Variants in FAM53B observed in about 807,000 individuals in gnomAD.
The protein encoded by FAM53B is family with sequence similarity 53 member B, also known as protein FAM53B.
In FAM53B, 12 loss-of-function variants were observed where a neutral mutation model predicts 32.7. The ratio of observed to expected loss-of-function variants is 0.37; its 90% CI spans 0.24 to 0.59. The LOEUF is 0.59. FAM53B is among the 20% of genes least tolerant of loss of function. FAM53B has a pLI of 0.72. For synonymous variants in FAM53B, 234 were observed against 228.7 expected (o/e 1.02, Z -0.21); for missense variants, 477 against 577.7 (o/e 0.83, Z 1.79).
intron 3 of FAM53B, among the ~76,000 whole-genome samples, chr10:124,692,714 C>CAAAAAAAA (rs5788679): frequency 4.3e-5 from 3 of 69,054 alleles, no homozygotes; most frequent in Non-Finnish European, 4.9e-5. Flanking sequence ...TACTCCATCT[C>CAAAAAAAA]AAAAAAAAAA....
chr10:124,729,120 A>G (rs1950125604), intron 1 of FAM53B, among the ~76,000 whole-genome samples: 1 of 152,246 alleles, frequency 6.6e-6, no homozygotes, highest in African/African-American at 2.4e-5. Flanking sequence ...CTCTAAAAAC[A>G]GATAATTTCC....
chr10:124,709,981 A>G (rs765158955), intron 1 of FAM53B, among the ~76,000 whole-genome samples: 1 of 152,102 alleles, frequency 6.6e-6, no homozygotes, highest in Admixed American at 6.5e-5. Flanking sequence ...TGCCCATGGT[A>G]CTTTTAGTTC....
intron 2 of FAM53B, among the ~76,000 whole-genome samples, chr10:124,701,394 T>G (rs1461712431): frequency 1.3e-5 from 2 of 152,218 alleles, no homozygotes; most frequent in Non-Finnish European, 2.9e-5. Flanking sequence ...TATTGGTTGT[T>G]ACGTGGAAAG....
At chr10:124,660,113 G>A (rs1232368191) in intron 4 of FAM53B, among the ~76,000 whole-genome samples, 2 of 152,196 alleles carry the variant, frequency 1.3e-5, no homozygotes, top group African/African-American at 4.8e-5. Flanking sequence ...GGCCCAGAGC[G>A]AACTTTCTAG....
chr10:124,630,338 C>T (rs1949382349), intron 4 of FAM53B, among the ~76,000 whole-genome samples: 1 of 152,160 alleles, frequency 6.6e-6, no homozygotes. Context: ...CACTGAAGCC[C>T]AGGTGGCAGA....
intron 1 of FAM53B, among the ~76,000 whole-genome samples, chr10:124,712,655 A>G (rs1009458744): frequency 2.0e-5 from 3 of 151,994 alleles, no homozygotes; most frequent in Admixed American, 6.5e-5. Context: ...AGTGCTCATG[A>G]TAGTGGGCCT....
At chr10:124,636,190 C>T (rs1481855723) in intron 4 of FAM53B, among the ~76,000 whole-genome samples, 1 of 152,300 alleles carries the variant, frequency 6.6e-6, no homozygotes, top group East Asian at 1.9e-4. Context: ...TTTCCAAGGT[C>T]GAATTCCCAC....
At chr10:124,632,722 T>C (rs761796156) in intron 4 of FAM53B, among the ~76,000 whole-genome samples, 2 of 152,166 alleles carry the variant, frequency 1.3e-5, no homozygotes, top group Non-Finnish European at 1.5e-5. Flanking sequence ...AATCACCAAC[T>C]GGTTTAGCCA....
intron 2 of FAM53B, among the ~76,000 whole-genome samples, chr10:124,699,947 G>A (rs1464112640): frequency 6.6e-6 from 1 of 152,264 alleles, no homozygotes; most frequent in East Asian, 1.9e-4. Context: ...CTGTGCTTCA[G>A]GGAGTTCTCT....
intron 2 of FAM53B, among the ~76,000 whole-genome samples, chr10:124,697,175 G>A (rs1589754069): frequency 6.6e-6 from 1 of 152,162 alleles, no homozygotes; most frequent in East Asian, 1.9e-4. Flanking sequence ...TCGCCCACTC[G>A]CTCAGTGGGC....
At chr10:124,659,985 G>A (rs1043156253) in intron 4 of FAM53B, among the ~76,000 whole-genome samples, 4 of 152,126 alleles carry the variant, frequency 2.6e-5, no homozygotes, top group Admixed American at 2.6e-4. Context: ...TTTTGTATTT[G>A]TAGTATAGAC....
chr10:124,678,148 C>T (rs530676242), intron 4 of FAM53B, among the ~76,000 whole-genome samples: 160 of 152,316 alleles, frequency 1.1e-3, no homozygotes, highest in African/African-American at 3.7e-3. Flanking sequence ...ACTGAGGGCA[C>T]CTCCCAGGAA....
chr10:124,739,105 A>G (rs1021207904), intron 1 of FAM53B, among the ~76,000 whole-genome samples: 1 of 151,890 alleles, frequency 6.6e-6, no homozygotes, highest in African/African-American at 2.4e-5. Context: ...AGGAGGGGAA[A>G]AGGCAGTTAA....
intron 1 of FAM53B, among the ~76,000 whole-genome samples, chr10:124,741,524 G>A (rs1289515099): frequency 6.6e-6 from 1 of 152,210 alleles, no homozygotes; most frequent in East Asian, 1.9e-4. Context: ...GCCTCCAAAA[G>A]GGGAGGAGAG....
At chr10:124,697,946 G>A (rs1050262216) in intron 2 of FAM53B, among the ~76,000 whole-genome samples, 2 of 152,194 alleles carry the variant, frequency 1.3e-5, no homozygotes, top group African/African-American at 4.8e-5. Context: ...AATCCCAGCT[G>A]AGAGGTGCAG....
At chr10:124,693,691 C>T (rs999507819) in intron 3 of FAM53B, among the ~76,000 whole-genome samples, 2 of 152,076 alleles carry the variant, frequency 1.3e-5, no homozygotes, top group African/African-American at 2.4e-5. Flanking sequence ...AGTGTGTGGC[C>T]GTCTCCTTAA....
At chr10:124,728,192 G>T (rs1275825760) in intron 1 of FAM53B, among the ~76,000 whole-genome samples, 3 of 152,190 alleles carry the variant, frequency 2.0e-5, no homozygotes, top group Non-Finnish European at 2.9e-5. Flanking sequence ...AAAATGCCTA[G>T]ACAGCTCAGA....
chr10:124,667,588 A>G (rs1188433781), intron 4 of FAM53B, among the ~76,000 whole-genome samples: 1 of 152,198 alleles, frequency 6.6e-6, no homozygotes, highest in African/African-American at 2.4e-5. Context: ...CAGGGCTGGG[A>G]GAGGCTCCTG....
At chr10:124,639,248 A>G (rs1308921858) in intron 4 of FAM53B, among the ~76,000 whole-genome samples, 3 of 152,162 alleles carry the variant, frequency 2.0e-5, no homozygotes, top group Non-Finnish European at 4.4e-5. Context: ...GACCCACCCC[A>G]GCAGGAGGTC....
Sources: allele counts gnomAD v4.1 joint callset (sites outside exome capture counted in the v4.1 genomes callset), GRCh38; gene constraint gnomAD v4.1.1; transcripts MANE v1.5; gene names NCBI Gene and HGNC (gene_info 2026-07-23, HGNC 2026-07-21).